FAT3: variants seen among roughly 807,000 people sequenced by gnomAD.
The protein encoded by FAT3 is FAT atypical cadherin 3, also known as protocadherin Fat 3.
Under a neutral mutation model 310.2 loss-of-function variants are expected in FAT3, and 95 were observed. The observed-to-expected ratio is 0.31, with a 90% CI of 0.26 to 0.36. The LOEUF (loss-of-function observed/expected upper bound fraction) is 0.36, where lower values mean the gene tolerates loss of function less well. FAT3 is among the 10% of genes least tolerant of loss of function. The pLI, the probability that FAT3 is intolerant of heterozygous loss-of-function variation, is 1.00. For synonymous variants in FAT3, 2,314 were observed against 2,192.9 expected (o/e 1.06, Z -1.54); for missense variants, 5,408 against 5,715.6 (o/e 0.95, Z 1.74).
intron 19 of FAT3, among the ~76,000 whole-genome samples, chr11:92,856,182 T>A (rs369407508): frequency 6.6e-6 from 1 of 152,024 alleles, no homozygotes; most frequent in Non-Finnish European, 1.5e-5. Flanking sequence ...AGACTTAGGA[T>A]GAAAAGGAGC....
chr11:92,354,563 G>T lies in FAT3; in HGVS notation c.2451G>T (p.Leu817=), dbSNP rs1948676341. ...GNPQKSSWRL[L]TINVEDANDN... Reference sequence around the variant, plus strand: ...CACAGAAATCGTCATGGAGACTGCTGACCATCAATGTGGAGGATGCTAATG... The same window carrying T: ...CACAGAAATCGTCATGGAGACTGCTTACCATCAATGTGGAGGATGCTAATG... Residue 817 remains leucine, a synonymous_variant, in exon 2 of 28, where the codon CTG becomes CTT. Transcript: ENST00000525166. 1 of 1,613,806 alleles carries T rather than the reference G, an allele frequency of 6.2e-7. No homozygotes were observed. Among genetic ancestry groups the T allele is most frequent in the South Asian group, 1.1e-5 (1 of 91,054 alleles).
chr11:92,315,491 ATATATATATATATATATATAT>A (rs1947422300), intron 1 of FAT3, among the ~76,000 whole-genome samples: 1 of 77,222 alleles, frequency 1.3e-5, no homozygotes, highest in Non-Finnish European at 2.5e-5. Context: ...ATATATATAT[ATATATATATATATATATATAT>A]AGAGAGAGAG....
intron 24 of FAT3, among the ~76,000 whole-genome samples, chr11:92,885,436 G>C (rs1949773878): frequency 6.6e-6 from 1 of 152,186 alleles, no homozygotes; most frequent in Non-Finnish European, 1.5e-5. Flanking sequence ...GCAGGAAGGA[G>C]GGTGAGCGGT....
At chr11:92,399,325 A>T (rs1184377718) in intron 2 of FAT3, among the ~76,000 whole-genome samples, 1 of 152,150 alleles carries the variant, frequency 6.6e-6, no homozygotes, top group Non-Finnish European at 1.5e-5. Context: ...AAAATTTCAA[A>T]ACACAAAATA....
intron 2 of FAT3, among the ~76,000 whole-genome samples, chr11:92,423,282 G>C (rs1394026868): frequency 1.3e-5 from 2 of 152,156 alleles, no homozygotes; most frequent in Non-Finnish European, 2.9e-5. Context: ...TTAGTCGGTT[G>C]CAAAGAGCAT....
intron 7 of FAT3, 135 bp downstream of exon 7, chr11:92,774,315 C>T (rs1368040822): frequency 9.9e-7 from 1 of 1,013,710 alleles, no homozygotes; most frequent in Non-Finnish European, 1.4e-6. Flanking sequence ...AAATCATTTT[C>T]AAGAACAAGT....
intron 2 of FAT3, among the ~76,000 whole-genome samples, chr11:92,486,343 G>T (rs966589868): frequency 5.3e-5 from 8 of 151,574 alleles, no homozygotes; most frequent in Non-Finnish European, 1.2e-4. Flanking sequence ...AGATGGTGGT[G>T]TCTGCTTTGG....
chr11:92,523,942 T>G (rs973594795), intron 2 of FAT3, among the ~76,000 whole-genome samples: 1 of 152,156 alleles, frequency 6.6e-6, no homozygotes, highest in Admixed American at 6.5e-5. Context: ...TCCATGAGCA[T>G]CTCTCAAAGT....
At chr11:92,508,870 A>T (rs1204738217) in intron 2 of FAT3, among the ~76,000 whole-genome samples, 1 of 152,148 alleles carries the variant, frequency 6.6e-6, no homozygotes, top group Non-Finnish European at 1.5e-5. Context: ...TCCACCTGAA[A>T]ATGTTCTTGC....
intron 3 of FAT3, among the ~76,000 whole-genome samples, chr11:92,615,994 C>A (rs986174556): frequency 1.3e-5 from 2 of 152,202 alleles, no homozygotes; most frequent in Non-Finnish European, 2.9e-5. Context: ...CTATTAGGTC[C>A]ACTTGGTGCA....
intron 1 of FAT3, among the ~76,000 whole-genome samples, chr11:92,295,902 G>C (rs1412262893): frequency 1.3e-5 from 2 of 152,112 alleles, no homozygotes. Context: ...CCAGACATCA[G>C]ATTTCAATGT....
rs183229166 is a variant in FAT3 at position 92,325,529 on chromosome 11, A to T, written c.-17-26567A>T. Among the ~76,000 whole-genome samples the T allele has an allele frequency of 3.4e-3, 517 of 152,212 alleles. 2 individuals are homozygous for T. Among genetic ancestry groups the T allele is most frequent in the African/African-American group, 0.01 (431 of 41,516 alleles). ...TAGACATTTTCTCATTCTGACAGGC[A>T]ACTCCTTACTTTAGCCCTCATTTGA... On this transcript the variant is annotated intron_variant, in intron 1 of 27. Transcript: ENST00000525166.
At chr11:92,343,273 C>T (rs952883231) in intron 1 of FAT3, among the ~76,000 whole-genome samples, 5 of 152,048 alleles carry the variant, frequency 3.3e-5, no homozygotes, top group South Asian at 2.1e-4. Context: ...GGGTTTTGGT[C>T]GTAGTCTACT....
At position 92,891,475 on chromosome 11, in the gene FAT3, A is replaced by G; in HGVS notation, c.*362A>G. On this transcript the variant is annotated 3_prime_UTR_variant, in exon 28 of 28. Transcript: ENST00000525166. ...GTGTTACAGCATCAGTCCTTGCAGT[A>G]TTAAAAACTGGCAACAATCAAAGAG... The G allele has an allele frequency of 4.3e-6, 1 of 234,756 alleles. No individual in the cohort carries two copies. The allele number at this position is 234,756 out of a possible 1,614,324, so 14.5% of individuals were successfully genotyped here.
At chr11:92,461,991 C>T (rs1036874683) in intron 2 of FAT3, among the ~76,000 whole-genome samples, 4 of 152,090 alleles carry the variant, frequency 2.6e-5, no homozygotes, top group African/African-American at 4.8e-5. Flanking sequence ...GAAAGCTCTT[C>T]GCAGTATCCA....
intron 3 of FAT3, among the ~76,000 whole-genome samples, chr11:92,560,018 T>C (rs1397338778): frequency 6.6e-6 from 1 of 152,238 alleles, no homozygotes; most frequent in Non-Finnish European, 1.5e-5. Context: ...GTGTTTAATT[T>C]TTTGAGGAAC....
chr11:92,399,302 T>G (rs953606148), intron 2 of FAT3, among the ~76,000 whole-genome samples: 4 of 152,164 alleles, frequency 2.6e-5, no homozygotes, highest in Non-Finnish European at 4.4e-5. Flanking sequence ...TGGAGTTTCT[T>G]TATAATGGAG....
At chr11:92,244,017 T>C (rs1178254007) in intron 1 of FAT3, among the ~76,000 whole-genome samples, 1 of 152,022 alleles carries the variant, frequency 6.6e-6, no homozygotes, top group Non-Finnish European at 1.5e-5. Flanking sequence ...GCACGCCTGA[T>C]TAGAATGTTA....
chr11:92,882,924 C>T lies in FAT3; in HGVS notation c.12468C>T (p.Ile4156=), dbSNP rs771087151. Residue 4156 remains isoleucine (I), a synonymous_variant, in exon 24 of 28, where the codon ATC becomes ATT. Transcript: ENST00000525166. ...GHSYVGKEEL[I]GIAVVLFVIF... ...CCTACGTGGGGAAGGAGGAGCTCAT[C>T]GGCATCGCCGTGGTCCTCTTCGTCA... The T allele has an allele frequency of 6.2e-7, 1 of 1,612,948 alleles. No homozygotes were observed. The highest frequency in any genetic ancestry group is 2.2e-5 in the East Asian group (1 of 44,842).
Sources: allele counts gnomAD v4.1 joint callset (sites outside exome capture counted in the v4.1 genomes callset), GRCh38; gene constraint gnomAD v4.1.1; transcripts MANE v1.5; gene names NCBI Gene and HGNC (gene_info 2026-07-23, HGNC 2026-07-21).